The following MAD1L1 variants were observed in gnomAD, a reference collection of about 807,000 sequenced individuals.
The protein encoded by MAD1L1 is mitotic spindle assembly checkpoint protein MAD1.
MAD1L1 carries 95 observed loss-of-function variants against 96.9 expected under a neutral mutation model. That is an observed-to-expected ratio of 0.98 (90% CI 0.83 to 1.16). The LOEUF (loss-of-function observed/expected upper bound fraction) is 1.16. Ranked by LOEUF, MAD1L1 falls within the 50% of genes most tolerant of loss-of-function variation. The pLI is 0.00. For missense variants in MAD1L1, 1,007 were observed against 954.4 expected, an observed-to-expected ratio of 1.06 and a Z score of -0.73; for synonymous variants, 473 against 396.6, an observed-to-expected ratio of 1.19 and a Z score of -2.29.
chr7:2,132,544 G>A (rs921192334), intron 11 of MAD1L1, among the ~76,000 whole-genome samples: 25 of 152,190 alleles, frequency 1.6e-4, no homozygotes, highest in African/African-American at 3.9e-4. Context: ...CTCTGGGTCC[G>A]CCTGCGCATC....
intron 12 of MAD1L1, among the ~76,000 whole-genome samples, chr7:2,038,897 A>T (rs1056033489): frequency 7.2e-5 from 11 of 152,188 alleles, no homozygotes; most frequent in African/African-American, 2.7e-4. Flanking sequence ...GCATTCATCC[A>T]GTTCCTCCCA....
Position 1,865,790 on chromosome 7 carries a change from A to C in MAD1L1, c.1998+32410T>G, listed in dbSNP as rs560230737. Among the ~76,000 whole-genome samples, 5 of 152,350 alleles carry C rather than the reference A, an allele frequency of 3.3e-5. No homozygotes were observed. In the South Asian group the frequency reaches 1.0e-3, roughly 32 times the overall value. On this transcript the variant is annotated intron_variant, in intron 18 of 18. Coordinates refer to ENST00000265854, the MANE Select transcript of MAD1L1 (RefSeq NM_001013836.2). ...CCAGAGAGCGGCTGCTACGGGATCT[A>C]CAGCGACTGCTCTCTCTCTCGAATG...
chr7:1,842,075 T>C (rs1222467512), intron 18 of MAD1L1, among the ~76,000 whole-genome samples: 2 of 152,206 alleles, frequency 1.3e-5, no homozygotes, highest in African/African-American at 4.8e-5. Context: ...GCTGAAAATT[T>C]GATCATGAAA....
chr7:1,857,413 T>G (rs1461955777), intron 18 of MAD1L1, among the ~76,000 whole-genome samples: 2 of 152,180 alleles, frequency 1.3e-5, no homozygotes, highest in African/African-American at 2.4e-5. Flanking sequence ...GCCTGGTCCC[T>G]TGCTGGCCCC....
At chr7:2,063,612 C>T (rs954363719) in intron 12 of MAD1L1, among the ~76,000 whole-genome samples, 1 of 152,258 alleles carries the variant, frequency 6.6e-6, no homozygotes, top group African/African-American at 2.4e-5. Context: ...TGTGTCTCCA[C>T]CGTGCTATTC....
intron 11 of MAD1L1, among the ~76,000 whole-genome samples, chr7:2,139,569 G>A (rs1367023725): frequency 6.6e-6 from 1 of 152,192 alleles, no homozygotes; most frequent in African/African-American, 2.4e-5. Context: ...GCTGCCAGGG[G>A]CTGGGGCCAA....
chr7:1,882,231 C>A (rs867887943), intron 18 of MAD1L1, among the ~76,000 whole-genome samples: 2 of 152,306 alleles, frequency 1.3e-5, no homozygotes, highest in Middle Eastern at 6.8e-3. Flanking sequence ...GGCGAGTGTG[C>A]CGGGCAGAGG....
intron 10 of MAD1L1, among the ~76,000 whole-genome samples, chr7:2,193,866 T>G (rs1791848523): frequency 1.3e-5 from 2 of 150,482 alleles, no homozygotes; most frequent in African/African-American, 4.9e-5. Flanking sequence ...ACCATGATGC[T>G]GTGTGGGCAG....
chr7:2,061,557 G>A (rs913185827), intron 12 of MAD1L1, among the ~76,000 whole-genome samples: 7 of 152,154 alleles, frequency 4.6e-5, no homozygotes, highest in Admixed American at 1.3e-4. Flanking sequence ...GTGAGGACCC[G>A]GAGGGACCAG....
chr7:2,007,555 T>G (rs1257616516), intron 13 of MAD1L1, among the ~76,000 whole-genome samples: 3 of 152,162 alleles, frequency 2.0e-5, no homozygotes, highest in African/African-American at 7.2e-5. Context: ...ATGCCTGTAG[T>G]CCCAGCTACT....
intron 11 of MAD1L1, among the ~76,000 whole-genome samples, chr7:2,124,972 C>A (rs552680483): frequency 1.8e-4 from 28 of 152,312 alleles, no homozygotes; most frequent in African/African-American, 6.5e-4. Context: ...GGAGGACACA[C>A]ATGGGCATGG....
intron 17 of MAD1L1, among the ~76,000 whole-genome samples, chr7:1,918,533 G>A (rs1170085571): frequency 6.6e-6 from 1 of 152,216 alleles, no homozygotes; most frequent in African/African-American, 2.4e-5. Flanking sequence ...GGGAGGATCT[G>A]TTTGCAGGCA....
chr7:2,161,997 G>C (rs1464579701), intron 10 of MAD1L1, among the ~76,000 whole-genome samples: 1 of 144,636 alleles, frequency 6.9e-6, no homozygotes, highest in African/African-American at 2.6e-5. Context: ...GCCCATCCGG[G>C]AGGTGGGGGG....
chr7:1,889,136 T>A (rs1786377701), intron 18 of MAD1L1, among the ~76,000 whole-genome samples: 1 of 152,164 alleles, frequency 6.6e-6, no homozygotes, highest in Non-Finnish European at 1.5e-5. Context: ...CTGGCCCACA[T>A]AAAGGAAGAC....
intron 11 of MAD1L1, among the ~76,000 whole-genome samples, chr7:2,118,102 C>T (rs1787801286): frequency 1.3e-5 from 2 of 152,228 alleles, no homozygotes. Context: ...GCCCCTTACC[C>T]ACCCTCCACC....
intron 10 of MAD1L1, among the ~76,000 whole-genome samples, chr7:2,164,402 G>A (rs975910531): frequency 3.3e-5 from 5 of 152,320 alleles, no homozygotes; most frequent in African/African-American, 1.2e-4. Context: ...TCCTGCAGGA[G>A]CTCTGCGCTG....
intron 12 of MAD1L1, among the ~76,000 whole-genome samples, chr7:2,027,732 G>C (rs1248301770): frequency 6.6e-6 from 1 of 152,164 alleles, no homozygotes; most frequent in Non-Finnish European, 1.5e-5. Context: ...ATCTGAAAAG[G>C]ATTTCCTTAC....
intron 10 of MAD1L1, among the ~76,000 whole-genome samples, chr7:2,169,428 A>C (rs2128593842): frequency 6.6e-6 from 1 of 152,356 alleles, no homozygotes; most frequent in East Asian, 1.9e-4. Context: ...TCAAGGAAAA[A>C]AAGTATTTAG....
rs1584235605 is a variant in MAD1L1, at chr7:2,064,812, C to T, written c.1218+4382G>A. ...CCCAGGACGGAGGCTTCTCCCAGGA[C>T]AGCGGCTTCTCCCAGGACAGCGGCT... On this transcript the variant is annotated intron_variant, in intron 12 of 18. Transcript: ENST00000265854. 3.4e-4 allele frequency among the ~76,000 whole-genome samples: 23 copies of T among 67,424 alleles called. No homozygotes were observed. In the South Asian group the frequency reaches 0.016, roughly 46 times the overall value. 44.2% of individuals were successfully genotyped at this position (67,424 alleles called of 152,430 possible).
Sources: allele counts gnomAD v4.1 joint callset (sites outside exome capture counted in the v4.1 genomes callset), GRCh38; gene constraint gnomAD v4.1.1; transcripts MANE v1.5; gene names NCBI Gene and HGNC (gene_info 2026-07-23, HGNC 2026-07-21).